The following CA10 variants were observed in gnomAD, a reference collection of about 807,000 sequenced individuals.
CA10 encodes the protein carbonic anhydrase 10 (inactive), also known as carbonic anhydrase-related protein 10.
In CA10, 14 loss-of-function variants were observed where a neutral mutation model predicts 44.2. The observed-to-expected ratio is 0.32, with a 90% CI of 0.21 to 0.50. The LOEUF (loss-of-function observed/expected upper bound fraction) is 0.50, where lower values mean the gene tolerates loss of function less well. CA10 is among the 20% of genes least tolerant of loss of function. The pLI, the probability that CA10 is intolerant of heterozygous loss-of-function variation, is 0.99. For synonymous variants in CA10, 159 were observed against 141.6 expected (o/e 1.12, Z -0.87); for missense variants, 350 against 409.7 (o/e 0.85, Z 1.26).
At chr17:51,683,994 G>T (rs1340750991) in intron 4 of CA10, among the ~76,000 whole-genome samples, 2 of 152,194 alleles carry the variant, frequency 1.3e-5, no homozygotes, top group Admixed American at 1.3e-4. Flanking sequence ...CTAATCCCCA[G>T]AACCTGTGAA....
At chr17:51,816,708 A>G (rs1334354263) in intron 3 of CA10, among the ~76,000 whole-genome samples, 2 of 152,214 alleles carry the variant, frequency 1.3e-5, no homozygotes, top group Non-Finnish European at 2.9e-5. Context: ...GAGCAGCTGA[A>G]AGATCTTGTT....
intron 3 of CA10, among the ~76,000 whole-genome samples, chr17:51,885,018 G>A (rs767634997): frequency 2.0e-5 from 3 of 152,186 alleles, no homozygotes; most frequent in African/African-American, 4.8e-5. Context: ...TAGTTCGACT[G>A]TATCTGCAGA....
chr17:51,699,821 A>G (rs191456181), intron 4 of CA10, among the ~76,000 whole-genome samples: 3 of 152,266 alleles, frequency 2.0e-5, no homozygotes, highest in East Asian at 1.9e-4. Context: ...TCTCTTTATG[A>G]GACATTGTTT....
chr17:51,839,559 A>G (rs1217400437), intron 3 of CA10, among the ~76,000 whole-genome samples: 3 of 151,792 alleles, frequency 2.0e-5, no homozygotes, highest in African/African-American at 7.3e-5. Context: ...GGCAGTTAAA[A>G]ACAGAAATGA....
chr17:51,827,332 GCACACACA>G (rs35515561), intron 3 of CA10, among the ~76,000 whole-genome samples: 4 of 147,670 alleles, frequency 2.7e-5, no homozygotes, highest in Non-Finnish European at 6.0e-5. Flanking sequence ...AGAGAAACAC[GCACACACA>G]CACACACACA....
At chr17:52,126,715 G>A (rs1391596977) in intron 1 of CA10, among the ~76,000 whole-genome samples, 1 of 152,128 alleles carries the variant, frequency 6.6e-6, no homozygotes, top group Non-Finnish European at 1.5e-5. Context: ...TGGGGCATAT[G>A]TGAATTCCAA....
intron 3 of CA10, among the ~76,000 whole-genome samples, chr17:51,776,815 C>A (rs1228388881): frequency 1.3e-5 from 2 of 152,196 alleles, no homozygotes; most frequent in Admixed American, 6.5e-5. Context: ...AGTACCTACA[C>A]GTATTGGACA....
At chr17:51,789,568 G>T (rs1233578404) in intron 3 of CA10, among the ~76,000 whole-genome samples, 1 of 152,146 alleles carries the variant, frequency 6.6e-6, no homozygotes, top group Non-Finnish European at 1.5e-5. Flanking sequence ...ACCACCTGCT[G>T]CCTCTGAGTG....
intron 3 of CA10, among the ~76,000 whole-genome samples, chr17:51,749,694 G>T (rs564292797): frequency 2.0e-5 from 3 of 152,174 alleles, no homozygotes; most frequent in African/African-American, 7.2e-5. Context: ...GAAACTCTCC[G>T]TTGAGTTCCT....
intron 2 of CA10, among the ~76,000 whole-genome samples, chr17:51,978,092 T>A (rs1984522334): frequency 6.6e-6 from 1 of 152,158 alleles, no homozygotes. Flanking sequence ...AAAAGTCTTT[T>A]ATCTTTAAAT....
At chr17:51,769,063 C>T (rs1258517273) in intron 3 of CA10, among the ~76,000 whole-genome samples, 2 of 152,160 alleles carry the variant, frequency 1.3e-5, no homozygotes, top group Non-Finnish European at 2.9e-5. Flanking sequence ...TTTATAATGA[C>T]AACATGTCTT....
At chr17:51,716,620 A>T (rs1268834495) in intron 4 of CA10, among the ~76,000 whole-genome samples, 1 of 152,098 alleles carries the variant, frequency 6.6e-6, no homozygotes, top group Non-Finnish European at 1.5e-5. Flanking sequence ...TGGTTCAAAT[A>T]CTGTCTCACC....
chr17:51,863,208 CTGT>C lies in CA10; in HGVS notation c.279+67779_279+67781del, dbSNP rs560299519. Among the ~76,000 whole-genome samples the C allele has an allele frequency of 7.9e-5, 12 of 152,328 alleles. No homozygotes were observed. In the South Asian group the frequency reaches 2.1e-3, roughly 26 times the overall value. On this transcript the variant is annotated intron_variant, in intron 3 of 8. Coordinates refer to ENST00000451037, the MANE Select transcript of CA10 (RefSeq NM_020178.5). ...GTCCAAGTAAATGTAGCCACTACTA[CTGT>C]TGTTGTTATCATCATCGATTCCGAT...
chr17:51,671,664 A>G (rs1055039535), intron 4 of CA10, among the ~76,000 whole-genome samples: 3 of 151,966 alleles, frequency 2.0e-5, no homozygotes, highest in Non-Finnish European at 2.9e-5. Context: ...TCGGCCTCCA[A>G]AAGTGCTGGG....
At chr17:52,032,639 C>T (rs2144175860) in intron 2 of CA10, among the ~76,000 whole-genome samples, 1 of 152,216 alleles carries the variant, frequency 6.6e-6, no homozygotes, top group East Asian at 1.9e-4. Context: ...AGTCGGGCCC[C>T]ATGAAAAGAG....
intron 3 of CA10, among the ~76,000 whole-genome samples, chr17:51,802,865 C>G (rs892318934): frequency 6.6e-6 from 1 of 152,160 alleles, no homozygotes; most frequent in African/African-American, 2.4e-5. Context: ...CTATCTGCTT[C>G]CAGGCTCTGC....
intron 4 of CA10, among the ~76,000 whole-genome samples, chr17:51,708,592 G>A (rs995793906): frequency 6.6e-6 from 1 of 152,184 alleles, no homozygotes; most frequent in African/African-American, 2.4e-5. Flanking sequence ...TGCATGGAAG[G>A]ATGCAAAGTA....
At chr17:51,865,280 T>C (rs1979492530) in intron 3 of CA10, among the ~76,000 whole-genome samples, 1 of 152,218 alleles carries the variant, frequency 6.6e-6, no homozygotes, top group Admixed American at 6.5e-5. Context: ...CCAGCTAGAA[T>C]GTAAGCTCCA....
At chr17:52,133,001 G>A (rs1989275152) in intron 1 of CA10, among the ~76,000 whole-genome samples, 1 of 152,162 alleles carries the variant, frequency 6.6e-6, no homozygotes, top group African/African-American at 2.4e-5. Flanking sequence ...CCATGGGCAG[G>A]CTGAGTATGC....
Sources: allele counts gnomAD v4.1 joint callset (sites outside exome capture counted in the v4.1 genomes callset), GRCh38; gene constraint gnomAD v4.1.1; transcripts MANE v1.5; gene names NCBI Gene and HGNC (gene_info 2026-07-23, HGNC 2026-07-21).